DNMBP: variants seen among roughly 807,000 people sequenced by gnomAD.
DNMBP encodes the protein dynamin binding protein.
A neutral mutation model predicts 150.0 loss-of-function variants in DNMBP; 87 were observed. That is an observed-to-expected ratio of 0.58 (90% CI 0.49 to 0.69). The LOEUF (loss-of-function observed/expected upper bound fraction) is 0.69. DNMBP is among the 30% of genes least tolerant of loss of function. The pLI is 0.00. For missense variants in DNMBP, 1,774 were observed against 1,949.0 expected (o/e 0.91, Z 1.69); for synonymous variants, 711 against 750.4 (o/e 0.95, Z 0.86).
chr10:99,914,048 C>A (rs767050056), intron 4 of DNMBP: 3 of 1,485,396 alleles, frequency 2.0e-6, no homozygotes, highest in Non-Finnish European at 2.7e-6. Context: ...CTCCACAACC[C>A]CCCAAACTCC....
chr10:99,930,021 T>A (rs2040130555), intron 4 of DNMBP: 1 of 702,936 alleles, frequency 1.4e-6, no homozygotes, highest in Admixed American at 2.0e-5. Flanking sequence ...TGCTTTGGGA[T>A]ACATGTTGTC....
At chr10:99,969,612 T>C (rs562884297) in intron 2 of DNMBP, among the ~76,000 whole-genome samples, 1 of 152,312 alleles carries the variant, frequency 6.6e-6, no homozygotes, top group African/African-American at 2.4e-5. Flanking sequence ...ACACAAATTG[T>C]TACGGAAGTT....
intron 1 of DNMBP, among the ~76,000 whole-genome samples, chr10:99,996,731 A>G (rs2040955283): frequency 6.6e-6 from 1 of 152,190 alleles, no homozygotes; most frequent in Non-Finnish European, 1.5e-5. Context: ...GAAAATATTG[A>G]CATTGAGATA....
chr10:99,914,613 A>G (rs1450695427), intron 4 of DNMBP, among the ~76,000 whole-genome samples: 1 of 152,206 alleles, frequency 6.6e-6, no homozygotes, highest in Admixed American at 6.5e-5. Flanking sequence ...AGTGATTCAC[A>G]GGAACTGGGA....
At chr10:99,942,555 G>C (rs1194179001) in intron 4 of DNMBP, among the ~76,000 whole-genome samples, 1 of 152,208 alleles carries the variant, frequency 6.6e-6, no homozygotes, top group African/African-American at 2.4e-5. Context: ...ATGCTGCAAA[G>C]CCTCAGTGAA....
At chr10:99,965,937 A>T (rs1828627957) in intron 3 of DNMBP, among the ~76,000 whole-genome samples, 1 of 152,250 alleles carries the variant, frequency 6.6e-6, no homozygotes, top group African/African-American at 2.4e-5. Flanking sequence ...GACTTAAAAA[A>T]CAGGAAACCT....
intron 1 of DNMBP, among the ~76,000 whole-genome samples, chr10:99,999,307 T>C (rs2040986299): frequency 6.6e-6 from 1 of 152,218 alleles, no homozygotes; most frequent in African/African-American, 2.4e-5. Flanking sequence ...CACTTAACAG[T>C]GGTACAACTT....
chr10:99,972,894 G>A (rs2040693323), intron 1 of DNMBP, among the ~76,000 whole-genome samples: 1 of 152,060 alleles, frequency 6.6e-6, no homozygotes, highest in Non-Finnish European at 1.5e-5. Context: ...TGATTCTCAA[G>A]GCTCAGCCTC....
In DNMBP at chr10:99,903,515, T is replaced by C. The variant is rs573683360; in HGVS notation, c.2555-3449A>G. ...ACCTGGCTAATTTTTGTATGTTTTG[T>C]AGGGATGGTGTTTCACCTGGTTGGT... On this transcript the variant is annotated intron_variant, in intron 6 of 16. Transcript: ENST00000324109. Among the ~76,000 whole-genome samples the C allele has an allele frequency of 2.6e-5, 4 of 152,154 alleles. No homozygotes were observed. The South Asian group carries it at 8.3e-4, about 32-fold the overall frequency.
In DNMBP at chr10:99,939,459, A is replaced by T. The variant is rs58550619; in HGVS notation, c.2260+15755T>A. The stretch of plus-strand genomic sequence containing the variant: ...AAAATTATAACACTGAGAAAATTAT[A>T]ACAGTGAGAAAATTACAACAATGAA... On this transcript the variant is annotated intron_variant, in intron 4 of 16. Transcript: ENST00000324109. Among the ~76,000 whole-genome samples the T allele has an allele frequency of 9.8e-3, 1,486 of 152,382 alleles. 22 individuals carry two copies. Among genetic ancestry groups the T allele is most frequent in the African/African-American group, 0.034 (1,412 of 41,594 alleles).
chr10:99,892,893 G>A (rs989296799), intron 11 of DNMBP, among the ~76,000 whole-genome samples: 13 of 152,172 alleles, frequency 8.5e-5, no homozygotes, highest in African/African-American at 3.1e-4. Flanking sequence ...AACACTTTAA[G>A]CAAACTCAGA....
intron 4 of DNMBP, among the ~76,000 whole-genome samples, chr10:99,942,172 G>A (rs577259920): frequency 1.3e-5 from 2 of 152,182 alleles, no homozygotes; most frequent in South Asian, 4.1e-4. Flanking sequence ...CCCCAGAAAT[G>A]GTTTGGCTGG....
Position 99,956,825 on chromosome 10 carries a change from G to T in DNMBP, c.649C>A (p.Gln217Lys). 6.2e-7 allele frequency: 1 copy of T among 1,614,128 alleles called. No individual in the cohort carries two copies. The highest frequency in any genetic ancestry group is 8.5e-7 in the Non-Finnish European group (1 of 1,180,016). The change falls in exon 4 of 17, where the codon CAA becomes AAA. Residue 217 changes from glutamine to lysine, a missense_variant. Coordinates refer to ENST00000324109, the MANE Select transcript of DNMBP (RefSeq NM_015221.4). Reference sequence around the variant, plus strand: ...TCACCATTAACAATGCAGTCATCTTGATTTCCAGAACTTACTGACTCATCC... The same window carrying T: ...TCACCATTAACAATGCAGTCATCTTTATTTCCAGAACTTACTGACTCATCC... The part of the protein sequence containing the change: ...TVDESVSSGN[Q>K]DDCIVNGEVD...
Position 99,885,688 on chromosome 10 carries a change from A to G in DNMBP, c.3797T>C (p.Leu1266Pro). 1.9e-6 allele frequency: 3 copies of G among 1,561,298 alleles called. No individual in the cohort carries two copies. Among genetic ancestry groups the G allele is most frequent in the Non-Finnish European group, 1.7e-6 (2 of 1,151,408 alleles). The change falls in exon 14 of 17, where the codon CTG (leucine) becomes CCG (proline). Residue 1266 changes from leucine to proline, a missense_variant and splice_region_variant. By Grantham distance (98) the Leu-to-Pro change is moderately conservative (BLOSUM62 -3). Around this residue, in one of 2 missense-constraint regions of DNMBP, gnomAD observed 1,430 missense variants for 1,492.5 expected, o/e 0.96. Coordinates refer to ENST00000324109, the MANE Select transcript of DNMBP (RefSeq NM_015221.4). ...RQSARKPLLG[L>P]PSYMLQSEEL... ...TGCTGCTCTCAGTTCCCTACTCACC[A>G]GGCCCAGGAGTGGCTTTCGAGCAGA...
chr10:99,902,828 T>A (rs1488826764), intron 6 of DNMBP, among the ~76,000 whole-genome samples: 4 of 150,954 alleles, frequency 2.6e-5, no homozygotes, highest in Non-Finnish European at 5.9e-5. Context: ...CTCGGGAGAC[T>A]GAGGCAGGAG....
chr10:99,959,181 A>G lies in DNMBP; in HGVS notation c.269-1976T>C, dbSNP rs375599303. 7.2e-5 allele frequency among the ~76,000 whole-genome samples: 11 copies of G among 152,272 alleles called. No homozygotes were observed. In the East Asian group the frequency reaches 2.1e-3, roughly 29 times the overall value. On this transcript the variant is annotated intron_variant, in intron 3 of 16. Transcript: ENST00000324109. ...TTTTTTTGTTTGGAAAGCTATACTT[A>G]TTTTTCATAAAAATATGTTATTTAC...
chr10:99,934,126 TG>T (rs1223040837), intron 4 of DNMBP, among the ~76,000 whole-genome samples: 1 of 152,170 alleles, frequency 6.6e-6, no homozygotes, highest in African/African-American at 2.4e-5. Flanking sequence ...ACCCTATTTT[TG>T]GGGAACACTG....
chr10:99,900,777 C>T (rs564796592), intron 6 of DNMBP, among the ~76,000 whole-genome samples: 24 of 152,036 alleles, frequency 1.6e-4, no homozygotes, highest in Non-Finnish European at 3.2e-4. Flanking sequence ...ATTACAGGTA[C>T]ACACCACCAT....
intron 3 of DNMBP, among the ~76,000 whole-genome samples, chr10:99,960,855 G>A (rs1431375286): frequency 6.8e-6 from 1 of 147,516 alleles, no homozygotes; most frequent in African/African-American, 2.5e-5. Flanking sequence ...GCTATTGCCT[G>A]TAGTCTCAGC....
Sources: allele counts gnomAD v4.1 joint callset (sites outside exome capture counted in the v4.1 genomes callset), GRCh38; gene constraint gnomAD v4.1.1; regional missense constraint gnomAD v4.1.1; transcripts MANE v1.5; gene names NCBI Gene and HGNC (gene_info 2026-07-23, HGNC 2026-07-21).